Variants in PRKG1 observed in about 807,000 individuals in gnomAD.
The protein encoded by PRKG1 is cGMP-dependent protein kinase 1.
A neutral mutation model predicts 88.1 loss-of-function variants in PRKG1; 35 were observed. The observed-to-expected ratio is 0.40, with a 90% CI of 0.30 to 0.53. The LOEUF (loss-of-function observed/expected upper bound fraction) is 0.53, where lower values mean the gene tolerates loss of function less well. PRKG1 is among the 20% of genes least tolerant of loss of function. PRKG1 has a pLI of 0.59. For synonymous variants in PRKG1, 303 were observed against 292.5 expected (o/e 1.04, Z -0.37); for missense variants, 540 against 839.8 (o/e 0.64, Z 4.41).
At chr10:51,301,905 A>T (rs976884551) in intron 2 of PRKG1, among the ~76,000 whole-genome samples, 1 of 152,168 alleles carries the variant, frequency 6.6e-6, no homozygotes, top group African/African-American at 2.4e-5. Context: ...TATCAGGATG[A>T]GTGTGTGACT....
intron 1 of PRKG1, among the ~76,000 whole-genome samples, chr10:51,016,413 C>A (rs1843060338): frequency 6.6e-6 from 1 of 151,996 alleles, no homozygotes; most frequent in African/African-American, 2.4e-5. Flanking sequence ...GGCAGAAATG[C>A]AGTTCATCTT....
At chr10:51,258,453 T>G (rs932038423) in intron 2 of PRKG1, among the ~76,000 whole-genome samples, 36 of 152,346 alleles carry the variant, frequency 2.4e-4, no homozygotes, top group African/African-American at 8.2e-4. Context: ...TACCTAATGA[T>G]TCAAAGCTTC....
intron 9 of PRKG1, among the ~76,000 whole-genome samples, chr10:52,196,537 C>T (rs1206507907): frequency 6.6e-6 from 1 of 152,156 alleles, no homozygotes; most frequent in Non-Finnish European, 1.5e-5. Context: ...GCACCGTAGT[C>T]GTCTGAAACT....
At chr10:51,610,135 T>C (rs1395202354) in intron 3 of PRKG1, among the ~76,000 whole-genome samples, 1 of 152,192 alleles carries the variant, frequency 6.6e-6, no homozygotes, top group Non-Finnish European at 1.5e-5. Flanking sequence ...ATGTTTTGGG[T>C]ATATTGCAAG....
chr10:51,661,807 T>C (rs893012706), intron 3 of PRKG1, among the ~76,000 whole-genome samples: 1 of 152,144 alleles, frequency 6.6e-6, no homozygotes, highest in Non-Finnish European at 1.5e-5. Flanking sequence ...CTATTCACAA[T>C]AGCAGAGACT....
intron 2 of PRKG1, among the ~76,000 whole-genome samples, chr10:51,242,337 A>G (rs1839177009): frequency 6.6e-6 from 1 of 152,196 alleles, no homozygotes; most frequent in Admixed American, 6.6e-5. Flanking sequence ...TAGGATAACA[A>G]GTCCTACTTT....
At chr10:52,237,302 T>C (rs1296679045) in intron 9 of PRKG1, among the ~76,000 whole-genome samples, 1 of 146,342 alleles carries the variant, frequency 6.8e-6, no homozygotes, top group Non-Finnish European at 1.5e-5. Flanking sequence ...CAACACAGTG[T>C]TGGAAGTTAT....
chr10:51,090,893 T>C (rs1844382944), intron 1 of PRKG1, among the ~76,000 whole-genome samples: 1 of 152,234 alleles, frequency 6.6e-6, no homozygotes, highest in African/African-American at 2.4e-5. Context: ...AATGGATTTC[T>C]ATTTGAAAAC....
intron 2 of PRKG1, among the ~76,000 whole-genome samples, chr10:51,399,289 C>T (rs1837668417): frequency 1.3e-5 from 2 of 152,070 alleles, no homozygotes; most frequent in South Asian, 4.1e-4. Flanking sequence ...CCGTGTTAAT[C>T]AGTGTTCCCC....
chr10:51,580,649 A>G (rs1838007541), intron 3 of PRKG1, among the ~76,000 whole-genome samples: 1 of 152,152 alleles, frequency 6.6e-6, no homozygotes, highest in Non-Finnish European at 1.5e-5. Flanking sequence ...TTTGTCTTCC[A>G]TAAGAAGAAA....
chr10:51,310,225 TG>T (rs1207890758), intron 2 of PRKG1, among the ~76,000 whole-genome samples: 1 of 152,176 alleles, frequency 6.6e-6, no homozygotes, highest in African/African-American at 2.4e-5. Context: ...AAATTATACT[TG>T]TACTTCTTAA....
chr10:51,752,229 C>T (rs755883731), intron 3 of PRKG1, among the ~76,000 whole-genome samples: 5 of 152,172 alleles, frequency 3.3e-5, no homozygotes, highest in African/African-American at 4.8e-5. Flanking sequence ...ACTTGTGTCA[C>T]TTCTCTTCTA....
chr10:52,100,199 C>G (rs992258846), intron 7 of PRKG1, among the ~76,000 whole-genome samples: 1 of 151,974 alleles, frequency 6.6e-6, no homozygotes, highest in African/African-American at 2.4e-5. Flanking sequence ...GACAGGAATC[C>G]CCTTTGGTGT....
intron 2 of PRKG1, among the ~76,000 whole-genome samples, chr10:51,386,111 C>T (rs1479555913): frequency 6.6e-6 from 1 of 152,150 alleles, no homozygotes; most frequent in Non-Finnish European, 1.5e-5. Context: ...GTTGCATACA[C>T]ATTAGACCTC....
intron 2 of PRKG1, among the ~76,000 whole-genome samples, chr10:51,430,742 A>G (rs1050573688): frequency 6.6e-6 from 1 of 152,240 alleles, no homozygotes; most frequent in Non-Finnish European, 1.5e-5. Flanking sequence ...TGTTATGTCC[A>G]TACAATGGAG....
rs534760036 is a variant in PRKG1, at chr10:51,166,645, T to C, written c.478+13315T>C. On this transcript the variant is annotated intron_variant, in intron 2 of 17. Transcript: ENST00000373980. ...TAATCCTGTGGATTTAAATTATTTA[T>C]TTATTACATCAATTCTAGTACTCAA... 4.6e-5 allele frequency among the ~76,000 whole-genome samples: 7 copies of C among 152,318 alleles called. No individual in the cohort carries two copies. The East Asian group carries it at 1.2e-3, about 25-fold the overall frequency.
At chr10:51,447,114 C>T (rs975989301) in intron 2 of PRKG1, among the ~76,000 whole-genome samples, 1 of 151,988 alleles carries the variant, frequency 6.6e-6, no homozygotes, top group Admixed American at 6.6e-5. Flanking sequence ...TCACCTATAG[C>T]CAAACACATT....
chr10:51,472,498 G>A (rs1672671345), intron 3 of PRKG1, among the ~76,000 whole-genome samples: 1 of 151,792 alleles, frequency 6.6e-6, no homozygotes, highest in Non-Finnish European at 1.5e-5. Flanking sequence ...TATTGGTAAA[G>A]GAACAAAAGA....
chr10:51,802,656 C>A (rs1038176007), intron 3 of PRKG1, among the ~76,000 whole-genome samples: 1 of 151,984 alleles, frequency 6.6e-6, no homozygotes, highest in Non-Finnish European at 1.5e-5. Flanking sequence ...GAGACAGGGA[C>A]TTTTCTCTGA....
Sources: gnomAD v4.1 joint callset for allele counts (sites outside exome capture counted in the v4.1 genomes callset) on GRCh38, gnomAD v4.1.1 for gene constraint, MANE v1.5 for transcripts, NCBI Gene and HGNC (gene_info 2026-07-23, HGNC 2026-07-21) for gene names.